Variants in CSMD3 observed in about 807,000 individuals in gnomAD.
CSMD3 encodes the protein CUB and sushi domain-containing protein 3.
Under a neutral mutation model 435.2 loss-of-function variants are expected in CSMD3, and 177 were observed. The ratio of observed to expected loss-of-function variants is 0.41; its 90% CI spans 0.36 to 0.46. The LOEUF (loss-of-function observed/expected upper bound fraction) is 0.46, where lower values mean the gene tolerates loss of function less well. Among genes scored for constraint, CSMD3 ranks in the 20% least tolerant of loss-of-function variants. The pLI is 0.34. For synonymous variants in CSMD3, 1,656 were observed against 1,520.5 expected (o/e 1.09, Z -2.07); for missense variants, 4,265 against 4,504.6 (o/e 0.95, Z 1.52).
intron 38 of CSMD3, among the ~76,000 whole-genome samples, chr8:112,377,157 T>C (rs1006702430): frequency 1.3e-5 from 2 of 151,756 alleles, no homozygotes; most frequent in Admixed American, 6.6e-5. Flanking sequence ...AAAACACTTA[T>C]AATAAAAAAG....
At chr8:113,077,817 G>C (rs2089407493) in intron 5 of CSMD3, among the ~76,000 whole-genome samples, 1 of 152,150 alleles carries the variant, frequency 6.6e-6, no homozygotes, top group Non-Finnish European at 1.5e-5. Context: ...TTTTAAGGAA[G>C]AGGATTATTT....
intron 8 of CSMD3, among the ~76,000 whole-genome samples, chr8:112,952,628 A>T (rs1167484153): frequency 6.6e-6 from 1 of 151,598 alleles, no homozygotes; most frequent in Non-Finnish European, 1.5e-5. Flanking sequence ...AATGAAATTT[A>T]AAATAATGTT....
rs2094392222 is a variant in CSMD3 at position 113,377,307 on chromosome 8, T to G, written c.178+59370A>C. The G allele has an allele frequency of 2.1e-5, 4 of 194,314 alleles. No homozygotes were observed. The Admixed American group carries it at 2.2e-4, about 11-fold the overall frequency. The allele number at this position is 194,314 out of a possible 1,614,324, so 12.0% of individuals were successfully genotyped here. On this transcript the variant is annotated intron_variant, in intron 1 of 70. Transcript: ENST00000297405. ...GGATGCTGAAATAAAGAAGTTTACCTTCATTAACATCATTTTCTTTTTAAA... is the reference window on the plus strand; with the variant it reads ...GGATGCTGAAATAAAGAAGTTTACCGTCATTAACATCATTTTCTTTTTAAA...
intron 12 of CSMD3, among the ~76,000 whole-genome samples, chr8:112,808,722 G>T (rs1466512913): frequency 6.6e-6 from 1 of 151,956 alleles, no homozygotes; most frequent in Non-Finnish European, 1.5e-5. Flanking sequence ...TTTTACTTCT[G>T]TAAGATTGCT....
chr8:112,884,740 C>T (rs1488287284), intron 10 of CSMD3, among the ~76,000 whole-genome samples: 1 of 151,104 alleles, frequency 6.6e-6, no homozygotes, highest in Admixed American at 6.6e-5. Flanking sequence ...TTACTTGGTA[C>T]TTTACCAAAA....
At chr8:112,647,136 G>A (rs184890025) in intron 19 of CSMD3, among the ~76,000 whole-genome samples, 1 of 152,056 alleles carries the variant, frequency 6.6e-6, no homozygotes, top group South Asian at 2.1e-4. Flanking sequence ...CTTGAATTGT[G>A]TGGATGTTTT....
intron 24 of CSMD3, among the ~76,000 whole-genome samples, chr8:112,563,046 C>G (rs967416572): frequency 2.0e-5 from 3 of 151,596 alleles, no homozygotes; most frequent in African/African-American, 7.3e-5. Flanking sequence ...ACTGTGCCAC[C>G]TCAGAATTCA....
intron 3 of CSMD3, among the ~76,000 whole-genome samples, chr8:113,220,707 A>G (rs1198239626): frequency 6.6e-6 from 1 of 151,418 alleles, no homozygotes; most frequent in East Asian, 1.9e-4. Context: ...TTTTAAGAGC[A>G]GTGAGATATT....
chr8:113,153,114 A>G (rs1588162345), intron 4 of CSMD3, among the ~76,000 whole-genome samples: 1 of 98,850 alleles, frequency 1.0e-5, no homozygotes, highest in Admixed American at 9.4e-5. Context: ...AGAAAGAAAG[A>G]AAGAAAGAAA....
chr8:112,313,693 G>C (rs1053311594), intron 49 of CSMD3, among the ~76,000 whole-genome samples: 1 of 151,730 alleles, frequency 6.6e-6, no homozygotes, highest in African/African-American at 2.4e-5. Context: ...TATCCTAAAT[G>C]CTTTTTTAGG....
intron 13 of CSMD3, among the ~76,000 whole-genome samples, chr8:112,776,905 C>T (rs1163037325): frequency 6.6e-6 from 1 of 151,592 alleles, no homozygotes; most frequent in Admixed American, 6.6e-5. Flanking sequence ...TATTTTAAAT[C>T]TCATCATATA....
intron 35 of CSMD3, among the ~76,000 whole-genome samples, chr8:112,405,213 CCATATATATATATATATAT>C (rs1831702754): frequency 5.6e-5 from 1 of 17,888 alleles, no homozygotes; most frequent in African/African-American, 3.1e-4. Context: ...AAAAAAACCC[CCATATATATATATATATAT>C]ATATATATAT....
At chr8:112,329,520 A>G (rs1586785327) in intron 45 of CSMD3, among the ~76,000 whole-genome samples, 2 of 152,180 alleles carry the variant, frequency 1.3e-5, no homozygotes, top group Middle Eastern at 3.4e-3. Context: ...GTTTCCTTGA[A>G]CCCTTCTCAA....
At chr8:112,409,075 T>C (rs759197875) in intron 32 of CSMD3, 43 bp from the exon 33 acceptor site, 2 of 1,610,020 alleles carry the variant, frequency 1.2e-6, no homozygotes, top group East Asian at 2.2e-5. Context: ...TCACCAACCA[T>C]CCAAAAACGA....
intron 32 of CSMD3, among the ~76,000 whole-genome samples, chr8:112,451,898 T>C (rs1365810433): frequency 6.6e-6 from 1 of 152,230 alleles, no homozygotes; most frequent in East Asian, 1.9e-4. Flanking sequence ...AAGATATTTA[T>C]TATTTAGATT....
At chr8:112,469,608 A>G (rs896249494) in intron 32 of CSMD3, among the ~76,000 whole-genome samples, 3 of 152,108 alleles carry the variant, frequency 2.0e-5, no homozygotes, top group African/African-American at 7.2e-5. Context: ...CACAACCTAG[A>G]TCCCTCACAT....
chr8:112,372,881 T>A (rs1341310733), intron 38 of CSMD3, among the ~76,000 whole-genome samples: 3 of 149,750 alleles, frequency 2.0e-5, no homozygotes, highest in East Asian at 4.0e-4. Context: ...AATAAATAAA[T>A]AAAAATAAAT....
intron 47 of CSMD3, among the ~76,000 whole-genome samples, chr8:112,316,369 TA>T (rs1408870942): frequency 1.3e-5 from 2 of 151,616 alleles, no homozygotes; most frequent in East Asian, 1.9e-4. Flanking sequence ...TCAAAAAATT[TA>T]AAAATACATA....
intron 20 of CSMD3, 75 bp from the exon 21 acceptor site, chr8:112,638,986 T>A: frequency 1.0e-6 from 1 of 999,738 alleles, no homozygotes; most frequent in Non-Finnish European, 1.6e-6. Context: ...AAACTAACTA[T>A]TAGCCAGGAC....
Sources: allele counts gnomAD v4.1 joint callset (sites outside exome capture counted in the v4.1 genomes callset), GRCh38; gene constraint gnomAD v4.1.1; transcripts MANE v1.5; gene names NCBI Gene and HGNC (gene_info 2026-07-23, HGNC 2026-07-21).